DNAH14: variants seen among roughly 807,000 people sequenced by gnomAD.
The protein encoded by DNAH14 is axonemal beta dynein heavy chain 14.
A neutral mutation model predicts 520.9 loss-of-function variants in DNAH14; 478 were observed. The observed-to-expected ratio is 0.92, with a 90% CI of 0.85 to 0.99. The LOEUF (loss-of-function observed/expected upper bound fraction) is 0.99. Ranked by LOEUF, DNAH14 falls within the 50% of genes least tolerant of loss-of-function variation. DNAH14 has a pLI of 0.00. For synonymous variants in DNAH14, 1,581 were observed against 1,757.2 expected (o/e 0.90, Z 2.51); for missense variants, 4,831 against 5,234.5 (o/e 0.92, Z 2.38).
chr1:225,121,830 G>A (rs1436625874), intron 26 of DNAH14, among the ~76,000 whole-genome samples: 2 of 151,586 alleles, frequency 1.3e-5, no homozygotes, highest in Non-Finnish European at 2.9e-5. Flanking sequence ...GACAGAGCGA[G>A]ACTCCATCTC....
Position 225,277,516 on chromosome 1 carries a change from T to G in DNAH14, c.8271+14T>G. 1 of 470,656 alleles carries G rather than the reference T, an allele frequency of 2.1e-6. No individual in the cohort carries two copies. Among genetic ancestry groups the G allele is most frequent in the Non-Finnish European group, 4.4e-6 (1 of 226,904 alleles). The allele number at this position is 470,656 out of a possible 1,614,324, so 29.2% of individuals were successfully genotyped here. A position where few individuals can be genotyped will look rare whatever the true frequency, so the allele number is the denominator to read the frequency against. On this transcript the variant is annotated intron_variant, in intron 54 of 85. Coordinates refer to ENST00000682510, the MANE Select transcript of DNAH14 (RefSeq NM_001367479.1). ...CACATGTTACTGGTAGGAATTTAAA[T>G]TTTTCAAGTGGTTTTAAGTTTACAA...
Position 225,024,193 on chromosome 1 carries a change from T to TAAATAATAAATAA in DNAH14, c.1358+329_1358+330insAATAATAAATAAA, listed in dbSNP as rs2065923360. ...TAGCAAATATATTTTTTATTTGTTATATCTGGCAATTCTGTGCCTAAGTAT... is the reference window on the plus strand; with the variant it reads ...TAGCAAATATATTTTTTATTTGTTATAAATAATAAATAAATCTGGCAATTCTGTGCCTAAGTAT... On this transcript the variant is annotated intron_variant, in intron 11 of 85. Coordinates refer to ENST00000682510, the MANE Select transcript of DNAH14 (RefSeq NM_001367479.1). The TAAATAATAAATAA allele has an allele frequency of 3.0e-6, 3 of 986,730 alleles. No individual in the cohort carries two copies. The Admixed American group carries it at 1.8e-4, about 59-fold the overall frequency. 61.1% of individuals were successfully genotyped at this position (986,730 alleles called of 1,614,324 possible). A position where few individuals can be genotyped will look rare whatever the true frequency, so the allele number is the denominator to read the frequency against.
chr1:225,164,968 A>G (rs2081906626), intron 35 of DNAH14, among the ~76,000 whole-genome samples: 1 of 152,122 alleles, frequency 6.6e-6, no homozygotes, highest in African/African-American at 2.4e-5. Flanking sequence ...TATATCTATT[A>G]TAGGCTTATC....
intron 41 of DNAH14, among the ~76,000 whole-genome samples, chr1:225,222,233 C>G (rs760991264): frequency 6.6e-6 from 1 of 152,150 alleles, no homozygotes; most frequent in East Asian, 1.9e-4. Flanking sequence ...CATTGGTGCC[C>G]GCTTGGGATA....
chr1:225,337,437 A>G lies in DNAH14; in HGVS notation c.10252A>G (p.Ser3418Gly), dbSNP rs200311669. 1,285 of 1,551,828 alleles carry G rather than the reference A, an allele frequency of 8.3e-4. 2 individuals carry two copies. The highest frequency in any genetic ancestry group is 2.1e-3 in the Admixed American group (108 of 51,002). Residue 3418 changes from serine to glycine, a missense_variant, in exon 67 of 86, where the codon AGC becomes GGC. Ser to Gly is a moderately conservative substitution (Grantham distance 56). Transcript: ENST00000682510. ...SRLQKLSIED[S>G]NYTKKIENAM... ...GCTGCAGAAGCTCTCCATTGAAGAC[A>G]GCAATTATACCAAAAAAATTGAAAA...
intron 7 of DNAH14, among the ~76,000 whole-genome samples, chr1:224,973,355 T>C (rs907062241): frequency 6.6e-6 from 1 of 152,232 alleles, no homozygotes; most frequent in African/African-American, 2.4e-5. Context: ...AATCTCACAT[T>C]GGCAAACAAG....
intron 76 of DNAH14, among the ~76,000 whole-genome samples, chr1:225,365,774 T>C (rs1052313454): frequency 2.0e-5 from 3 of 151,462 alleles, no homozygotes; most frequent in African/African-American, 4.9e-5. Flanking sequence ...GAGAGGGGAA[T>C]TGGGGGGTGG....
intron 46 of DNAH14, among the ~76,000 whole-genome samples, chr1:225,262,589 T>C (rs1339970718): frequency 6.6e-6 from 1 of 152,048 alleles, no homozygotes; most frequent in African/African-American, 2.4e-5. Flanking sequence ...CCAGCACCAT[T>C]TTTGAATAGA....
In DNAH14 at chr1:225,202,477, G is replaced by C. The variant is rs546177744; in HGVS notation, c.5887-1706G>C. On this transcript the variant is annotated intron_variant, in intron 38 of 85. Transcript: ENST00000682510. ...CAGGTTGTCAGGGAAGTGGGGGAAAGCCAGCAGTCACAGGCCTCACCCAGC... is the reference window on the plus strand; with the variant it reads ...CAGGTTGTCAGGGAAGTGGGGGAAACCCAGCAGTCACAGGCCTCACCCAGC... Among the ~76,000 whole-genome samples the C allele has an allele frequency of 7.2e-4, 109 of 152,268 alleles. 1 individual carries two copies. The highest frequency in any genetic ancestry group is 2.6e-3 in the African/African-American group (106 of 41,560).
At chr1:225,153,713 G>C in intron 33 of DNAH14, 37 bp from the exon 34 acceptor site, 1 of 1,434,790 alleles carries the variant, frequency 7.0e-7, no homozygotes, top group Non-Finnish European at 9.5e-7. Flanking sequence ...TTTTTCTTTA[G>C]AAACTTTAAT....
At chr1:225,105,770 C>T (rs2075991122) in intron 23 of DNAH14, among the ~76,000 whole-genome samples, 1 of 151,940 alleles carries the variant, frequency 6.6e-6, no homozygotes, top group East Asian at 1.9e-4. Flanking sequence ...TATTTTGAGC[C>T]TATGTGTGTC....
Position 224,943,753 on chromosome 1 carries a change from C to T in DNAH14, c.-33-8917C>T, listed in dbSNP as rs370366171. ...ATTTCTGCCTTCATTTCATTATGTA[C>T]CCAGTAGTCATTCAGGAGCAGGTTG... On this transcript the variant is annotated intron_variant, in intron 1 of 85. Transcript: ENST00000682510. Among the ~76,000 whole-genome samples, 79 of 152,134 alleles carry T rather than the reference C, an allele frequency of 5.2e-4. 1 individual carries two copies. In the East Asian group the frequency reaches 0.012, roughly 24 times the overall value.
intron 17 of DNAH14, among the ~76,000 whole-genome samples, chr1:225,066,971 C>T (rs1322588182): frequency 1.3e-5 from 2 of 151,982 alleles, no homozygotes; most frequent in Non-Finnish European, 2.9e-5. Context: ...GTACATGTGT[C>T]TTTTTTTACT....
chr1:224,970,383 C>A (rs1021033841), intron 7 of DNAH14, among the ~76,000 whole-genome samples: 17 of 152,234 alleles, frequency 1.1e-4, no homozygotes, highest in Admixed American at 1.1e-3. Flanking sequence ...TTTAATTTCG[C>A]CCCGGTCCTG....
At chr1:225,193,584 C>T (rs2085728702) in intron 38 of DNAH14, among the ~76,000 whole-genome samples, 1 of 151,830 alleles carries the variant, frequency 6.6e-6, no homozygotes, top group Admixed American at 6.6e-5. Context: ...AATGGGAAAA[C>T]AATACATCAT....
At chr1:225,398,452 C>A in intron 84 of DNAH14, 68 bp from the exon 85 acceptor site, 1 of 1,525,438 alleles carries the variant, frequency 6.6e-7, no homozygotes, top group Non-Finnish European at 8.8e-7. Flanking sequence ...GGCTCAATTC[C>A]GGACGGAGCC....
intron 17 of DNAH14, among the ~76,000 whole-genome samples, chr1:225,076,733 G>A (rs2072323979): frequency 6.6e-6 from 1 of 151,922 alleles, no homozygotes; most frequent in East Asian, 1.9e-4. Context: ...TCTTTGTCCT[G>A]GGTGTATTTA....
Position 225,100,847 on chromosome 1 carries a change from G to C in DNAH14, c.3830G>C (p.Cys1277Ser). 1.3e-6 allele frequency: 2 copies of C among 1,528,952 alleles called. No individual in the cohort carries two copies. The highest frequency in any genetic ancestry group is 1.8e-6 in the Non-Finnish European group (2 of 1,141,082). 94.7% of individuals were successfully genotyped at this position (1,528,952 alleles called of 1,614,324 possible). A position where few individuals can be genotyped will look rare whatever the true frequency, so the allele number is the denominator to read the frequency against. Reference sequence around the variant, plus strand: ...GGAGTCCTTGAAATTCTGCAAAATTGTAATATACATCTTGAACATATAAAG... The same window carrying C: ...GGAGTCCTTGAAATTCTGCAAAATTCTAATATACATCTTGAACATATAAAG... ...SAGVLEILQN[C>S]NIHLEHIKKS... Residue 1277 changes from cysteine (C) to serine (S), a missense_variant, in exon 23 of 86, where the codon TGT becomes TCT. Coordinates refer to ENST00000682510, the MANE Select transcript of DNAH14 (RefSeq NM_001367479.1).
intron 52 of DNAH14, among the ~76,000 whole-genome samples, chr1:225,274,664 C>T (rs2093422175): frequency 6.6e-6 from 1 of 152,130 alleles, no homozygotes; most frequent in Non-Finnish European, 1.5e-5. Context: ...CTTAACCAGA[C>T]TAAGAAATAG....
Sources: allele counts gnomAD v4.1 joint callset (sites outside exome capture counted in the v4.1 genomes callset), GRCh38; gene constraint gnomAD v4.1.1; transcripts MANE v1.5; gene names NCBI Gene and HGNC (gene_info 2026-07-23, HGNC 2026-07-21).